Variants in RBMS3 observed in about 807,000 individuals in gnomAD.
The protein encoded by RBMS3 is RNA-binding motif, single-stranded-interacting protein 3.
A neutral mutation model predicts 66.8 loss-of-function variants in RBMS3; 27 were observed. That is an observed-to-expected ratio of 0.40 (90% CI 0.30 to 0.56). The LOEUF is 0.56. Ranked by LOEUF, RBMS3 falls within the 20% of genes least tolerant of loss-of-function variation. RBMS3 has a pLI of 0.40. For missense variants in RBMS3, 513 were observed against 549.5 expected (o/e 0.93, Z 0.66); for synonymous variants, 188 against 183.0 (o/e 1.03, Z -0.22).
chr3:29,801,272 C>CTTTTTTTTCTTTT (rs1553672568), intron 6 of RBMS3, among the ~76,000 whole-genome samples: 1 of 129,478 alleles, frequency 7.7e-6, no homozygotes, highest in Non-Finnish European at 1.6e-5. Context: ...TGCTTTTTTT[C>CTTTTTTTTCTTTT]TTTTTTTTTT....
chr3:29,936,528 C>T (rs964871556), intron 11 of RBMS3, among the ~76,000 whole-genome samples: 2 of 152,062 alleles, frequency 1.3e-5, no homozygotes, highest in Non-Finnish European at 2.9e-5. Context: ...ATACTCAATC[C>T]TGGTTTTCTC....
intron 10 of RBMS3, among the ~76,000 whole-genome samples, chr3:29,933,097 C>T (rs1236332422): frequency 1.3e-5 from 2 of 152,180 alleles, no homozygotes; most frequent in East Asian, 1.9e-4. Context: ...TGCTTTGCCA[C>T]TTGCCAGGTG....
At chr3:29,821,418 G>A (rs2058072811) in intron 6 of RBMS3, among the ~76,000 whole-genome samples, 1 of 152,040 alleles carries the variant, frequency 6.6e-6, no homozygotes, top group Non-Finnish European at 1.5e-5. Flanking sequence ...CAATGCTACT[G>A]GACAGGAATC....
At chr3:29,476,469 A>G (rs1351033110) in intron 2 of RBMS3, among the ~76,000 whole-genome samples, 2 of 152,246 alleles carry the variant, frequency 1.3e-5, no homozygotes, top group Non-Finnish European at 2.9e-5. Context: ...GAACTACACC[A>G]TCGATTTATG....
chr3:29,287,078 A>G (rs962697065), intron 1 of RBMS3, among the ~76,000 whole-genome samples: 4 of 152,130 alleles, frequency 2.6e-5, no homozygotes, highest in African/African-American at 9.6e-5. Flanking sequence ...CCAAAAGCGA[A>G]AATGTATTCA....
chr3:29,357,234 T>A (rs1259117307), intron 1 of RBMS3, among the ~76,000 whole-genome samples: 1 of 152,058 alleles, frequency 6.6e-6, no homozygotes, highest in Admixed American at 6.6e-5. Flanking sequence ...GTGTGTGATG[T>A]TCCCCTTCCG....
At chr3:29,820,104 G>A (rs574236947) in intron 6 of RBMS3, among the ~76,000 whole-genome samples, 64 of 148,056 alleles carry the variant, frequency 4.3e-4, no homozygotes, top group Non-Finnish European at 7.9e-4. Context: ...CTGAGACATC[G>A]CTTGAACCTG....
chr3:29,909,824 G>A (rs1401684922), intron 10 of RBMS3, among the ~76,000 whole-genome samples: 1 of 151,976 alleles, frequency 6.6e-6, no homozygotes, highest in African/African-American at 2.4e-5. Flanking sequence ...TTCTGCATGT[G>A]GTTTTCTGTT....
chr3:29,677,734 C>T (rs1264549233), intron 4 of RBMS3, among the ~76,000 whole-genome samples: 1 of 151,962 alleles, frequency 6.6e-6, no homozygotes, highest in Non-Finnish European at 1.5e-5. Flanking sequence ...GGAAAATAGG[C>T]CCTTTTTTCC....
At chr3:29,772,151 GA>G (rs1043899353) in intron 6 of RBMS3, among the ~76,000 whole-genome samples, 15 of 151,846 alleles carry the variant, frequency 9.9e-5, no homozygotes, top group African/African-American at 3.6e-4. Flanking sequence ...TTTGGAAGCT[GA>G]AAAAGGCAAA....
chr3:29,587,323 A>G (rs2149094268), intron 4 of RBMS3, 118 bp downstream of exon 4: 1 of 584,898 alleles, frequency 1.7e-6, no homozygotes, highest in Non-Finnish European at 2.6e-6. Flanking sequence ...GGAGAGATTA[A>G]ATATTTCTCC....
chr3:29,524,939 C>T (rs944319999), intron 3 of RBMS3, among the ~76,000 whole-genome samples: 2 of 151,662 alleles, frequency 1.3e-5, no homozygotes, highest in Non-Finnish European at 2.9e-5. Context: ...CATCTGTGGT[C>T]CCAGTTGTTC....
At chr3:29,467,922 A>C (rs1209836421) in intron 2 of RBMS3, among the ~76,000 whole-genome samples, 1 of 152,168 alleles carries the variant, frequency 6.6e-6, no homozygotes, top group Non-Finnish European at 1.5e-5. Flanking sequence ...ATATGTAAAA[A>C]TATGATACTA....
intron 3 of RBMS3, among the ~76,000 whole-genome samples, chr3:29,561,270 G>C (rs72855073): frequency 0.018 from 2,676 of 152,110 alleles, 71 homozygotes; most frequent in African/African-American, 0.061. Context: ...GGGATTGCTG[G>C]GTCTAATCCC....
chr3:29,387,272 A>T (rs1044245265), intron 1 of RBMS3, among the ~76,000 whole-genome samples: 3 of 152,188 alleles, frequency 2.0e-5, no homozygotes, highest in Non-Finnish European at 4.4e-5. Context: ...TTAAATAGGA[A>T]TTCCAAAGTT....
rs554784076 is a variant in RBMS3 at position 29,989,353 on chromosome 3, G to A, written c.1179+1130G>A. Among the ~76,000 whole-genome samples the A allele has an allele frequency of 2.6e-5, 4 of 152,226 alleles. No homozygotes were observed. The South Asian group carries it at 8.3e-4, about 32-fold the overall frequency. On this transcript the variant is annotated intron_variant, in intron 13 of 14. Coordinates refer to ENST00000383767, the MANE Select transcript of RBMS3 (RefSeq NM_001003793.3). ...TTAGGTACCTATATTCTTCTTTCTG[G>A]TTCTAGCCATTACTGTTTTATTGCC...
intron 4 of RBMS3, among the ~76,000 whole-genome samples, chr3:29,626,006 G>A (rs1412091793): frequency 6.6e-6 from 1 of 152,132 alleles, no homozygotes; most frequent in African/African-American, 2.4e-5. Flanking sequence ...ACTAATTTTA[G>A]TGGCAACCAA....
intron 1 of RBMS3, among the ~76,000 whole-genome samples, chr3:29,285,283 G>A (rs1310846329): frequency 7.0e-6 from 1 of 142,638 alleles, no homozygotes. Flanking sequence ...TGGATGGGGG[G>A]TTCTTGAAAA....
chr3:29,863,410 T>A lies in RBMS3; in HGVS notation c.638-5448T>A, dbSNP rs184168233. 2.8e-3 allele frequency among the ~76,000 whole-genome samples: 428 copies of A among 152,282 alleles called. 4 individuals are homozygous for A. The highest frequency in any genetic ancestry group is 9.9e-3 in the African/African-American group (411 of 41,550). ...AGAAAATGTATTTCTGGAATTTTTT[T>A]AAATGTATCTAGTAAAACATTGTGG... On this transcript the variant is annotated intron_variant, in intron 6 of 14. Coordinates refer to ENST00000383767, the MANE Select transcript of RBMS3 (RefSeq NM_001003793.3).
Sources: allele counts gnomAD v4.1 joint callset (sites outside exome capture counted in the v4.1 genomes callset), GRCh38; gene constraint gnomAD v4.1.1; transcripts MANE v1.5; gene names NCBI Gene and HGNC (gene_info 2026-07-23, HGNC 2026-07-21).